The following SCLT1 variants were observed in gnomAD, a reference collection of about 807,000 sequenced individuals.
SCLT1 encodes sodium channel and clathrin linker 1.
Under a neutral mutation model 112.8 loss-of-function variants are expected in SCLT1, and 78 were observed. That is an observed-to-expected ratio of 0.69 (90% CI 0.58 to 0.83). SCLT1 has a LOEUF of 0.83. Among genes scored for constraint, SCLT1 ranks in the 40% least tolerant of loss-of-function variants. The probability of loss-of-function intolerance (pLI) is 0.00; values close to 1 mark genes in which losing one functional copy is unlikely to be tolerated. For synonymous variants in SCLT1, 257 were observed against 254.7 expected, an observed-to-expected ratio of 1.01 and a Z score of -0.09; for missense variants, 747 against 770.4, an observed-to-expected ratio of 0.97 and a Z score of 0.36.
chr4:128,873,273 G>GAAAAAAAAAAAAAAAAAAAAAAAAAA (rs1553953485), intron 5 of SCLT1: 9 of 78,608 alleles, frequency 1.1e-4, no homozygotes, highest in East Asian at 6.5e-4. Flanking sequence ...AAAAAAAAAA[G>GAAAAAAAAAAAAAAAAAAAAAAAAAA]AAAAAAAGAA....
At chr4:128,895,159 T>C (rs1210481904) in intron 18 of SCLT1, among the ~76,000 whole-genome samples, 1 of 152,194 alleles carries the variant, frequency 6.6e-6, no homozygotes, top group Non-Finnish European at 1.5e-5. Flanking sequence ...GGTGAAACAA[T>C]ATATGTAAAG....
Position 128,954,317 on chromosome 4 carries a change from GTTT to G in SCLT1, c.1147-1480_1147-1478del, listed in dbSNP as rs372723818. Reference sequence around the variant, plus strand: ...GCATATTATTTCTGGGTCTATTTTAGTTTTTTTTTTTTTTTTTTTGAGACAGAG... The same window carrying G: ...GCATATTATTTCTGGGTCTATTTTAGTTTTTTTTTTTTTTTTGAGACAGAG... On this transcript the variant is annotated intron_variant, in intron 13 of 20. Transcript: ENST00000281142. Among the ~76,000 whole-genome samples, 69 of 113,742 alleles carry G rather than the reference GTTT, an allele frequency of 6.1e-4. 1 individual carries two copies. The highest frequency in any genetic ancestry group is 4.3e-3 in the Middle Eastern group (1 of 234). The allele number at this position is 113,742 out of a possible 152,430, so 74.6% of individuals were successfully genotyped here.
chr4:129,087,775 G>A (rs1211686581), intron 1 of SCLT1, among the ~76,000 whole-genome samples: 115 of 142,954 alleles, frequency 8.0e-4, no homozygotes, highest in Non-Finnish European at 1.5e-3. Context: ...AAAAAAAAAA[G>A]GAAGAAAAAA....
intron 5 of SCLT1, among the ~76,000 whole-genome samples, chr4:129,026,876 C>T (rs1472156100): frequency 6.6e-6 from 1 of 152,208 alleles, no homozygotes; most frequent in Non-Finnish European, 1.5e-5. Flanking sequence ...GATATCACCA[C>T]TGATCTCACA....
chr4:129,078,292 G>A (rs1171304047), intron 2 of SCLT1, among the ~76,000 whole-genome samples: 1 of 152,200 alleles, frequency 6.6e-6, no homozygotes, highest in African/African-American at 2.4e-5. Flanking sequence ...TCACCATTAT[G>A]CTATCTGTTA....
chr4:129,013,059 G>A (rs1007036792), intron 5 of SCLT1, among the ~76,000 whole-genome samples: 1 of 152,080 alleles, frequency 6.6e-6, no homozygotes, highest in East Asian at 1.9e-4. Context: ...ATGTCACAGG[G>A]GTTTGTTGTA....
intron 18 of SCLT1, among the ~76,000 whole-genome samples, chr4:128,932,744 A>C (rs886181455): frequency 2.0e-5 from 3 of 152,164 alleles, no homozygotes; most frequent in African/African-American, 7.2e-5. Context: ...GCCATAAACA[A>C]ATGCAGTAAA....
intron 1 of SCLT1, among the ~76,000 whole-genome samples, chr4:129,088,569 A>G (rs1752587365): frequency 6.6e-6 from 1 of 152,242 alleles, no homozygotes; most frequent in South Asian, 2.1e-4. Flanking sequence ...AAAAGAAATA[A>G]AACTTTTTAT....
At chr4:129,059,594 C>A (rs1023278296) in intron 2 of SCLT1, among the ~76,000 whole-genome samples, 1 of 152,130 alleles carries the variant, frequency 6.6e-6, no homozygotes, top group African/African-American at 2.4e-5. Flanking sequence ...AAAACTCTTT[C>A]TCCCTCATTT....
At chr4:129,076,763 T>C (rs1445349568) in intron 2 of SCLT1, among the ~76,000 whole-genome samples, 1 of 152,116 alleles carries the variant, frequency 6.6e-6, no homozygotes, top group Non-Finnish European at 1.5e-5. Flanking sequence ...TTTTCTAATC[T>C]TGAATATTTG....
At chr4:128,900,650 T>C (rs1043849793) in intron 18 of SCLT1, among the ~76,000 whole-genome samples, 4 of 152,292 alleles carry the variant, frequency 2.6e-5, no homozygotes, top group Non-Finnish European at 4.4e-5. Flanking sequence ...CCAAATGCAA[T>C]GGCAACAAAA....
At chr4:129,043,883 C>A in intron 3 of SCLT1, 110 bp downstream of exon 3, 1 of 642,662 alleles carries the variant, frequency 1.6e-6, no homozygotes, top group Non-Finnish European at 2.7e-6. Context: ...AAGAACAAAG[C>A]ATTTAAGTTT....
chr4:128,884,738 G>A (rs567901851), intron 20 of SCLT1, among the ~76,000 whole-genome samples, 199 bp from the exon 21 acceptor site: 2 of 152,286 alleles, frequency 1.3e-5, no homozygotes, highest in South Asian at 2.1e-4. Context: ...ACAGCTCAAT[G>A]TAGCCTTGAC....
At chr4:128,951,452 C>G (rs573494632) in intron 14 of SCLT1, among the ~76,000 whole-genome samples, 1 of 152,180 alleles carries the variant, frequency 6.6e-6, no homozygotes, top group Admixed American at 6.5e-5. Context: ...TCTTTTTACT[C>G]TAAAGTGAGT....
At chr4:128,877,781 C>T (rs1184010647) in intron 3 of SCLT1, among the ~76,000 whole-genome samples, 3 of 151,944 alleles carry the variant, frequency 2.0e-5, no homozygotes, top group Non-Finnish European at 4.4e-5. Flanking sequence ...AGCCAATAAA[C>T]TTGGTTAAAA....
chr4:128,894,432 T>C (rs1010990729), intron 18 of SCLT1, among the ~76,000 whole-genome samples: 5 of 151,536 alleles, frequency 3.3e-5, no homozygotes, highest in Non-Finnish European at 1.5e-5. Context: ...TGTGTGTGTG[T>C]ATGTGTATTA....
chr4:128,995,197 T>C (rs1451821431), intron 8 of SCLT1, among the ~76,000 whole-genome samples: 1 of 152,162 alleles, frequency 6.6e-6, no homozygotes, highest in East Asian at 1.9e-4. Context: ...GGTTGATATT[T>C]GTGTGTTGTG....
rs930735352 is a variant in SCLT1 at position 129,061,925 on chromosome 4, T to G, written c.103-17874A>C. On this transcript the variant is annotated intron_variant, in intron 2 of 20. Coordinates refer to ENST00000281142, the MANE Select transcript of SCLT1 (RefSeq NM_144643.4). Reference sequence around the variant, plus strand: ...AGGGTACAGTGTTAGTTCCTGGTTATGTGGACTCTAGGTTGCTCCCTCAGA... The same window carrying G: ...AGGGTACAGTGTTAGTTCCTGGTTAGGTGGACTCTAGGTTGCTCCCTCAGA... 3.3e-5 allele frequency among the ~76,000 whole-genome samples: 5 copies of G among 152,308 alleles called. No individual in the cohort carries two copies. In the East Asian group the frequency reaches 9.7e-4, roughly 29 times the overall value.
chr4:129,015,058 G>C (rs774480308), intron 5 of SCLT1, among the ~76,000 whole-genome samples: 29 of 152,126 alleles, frequency 1.9e-4, no homozygotes, highest in Non-Finnish European at 2.9e-5. Context: ...TTCTCCCATG[G>C]AAGTATTAGT....
Sources: gnomAD v4.1 joint callset for allele counts (sites outside exome capture counted in the v4.1 genomes callset) on GRCh38, gnomAD v4.1.1 for gene constraint, MANE v1.5 for transcripts, NCBI Gene and HGNC (gene_info 2026-07-23, HGNC 2026-07-21) for gene names.